The following VCAN variants were observed in gnomAD, a reference collection of about 807,000 sequenced individuals.
The protein encoded by VCAN is versican core protein.
VCAN carries 44 observed loss-of-function variants against 245.5 expected under a neutral mutation model. That is an observed-to-expected ratio of 0.18 (90% confidence interval 0.14 to 0.23). The LOEUF is 0.23. Among genes scored for constraint, VCAN ranks in the 10% least tolerant of loss-of-function variants. VCAN has a pLI of 1.00. For missense variants in VCAN, 3,793 were observed against 4,057.9 expected, an observed-to-expected ratio of 0.93 and a Z score of 1.77; for synonymous variants, 1,413 against 1,437.0, an observed-to-expected ratio of 0.98 and a Z score of 0.38.
At position 83,520,858 on chromosome 5, in the gene VCAN, C is replaced by T; in HGVS notation, c.2552C>T (p.Ala851Val). The part of the protein sequence containing the change: ...KDIPSFTEDG[A>V]DEFTLIPDST... Reference sequence around the variant, plus strand: ...ATCCCAAGTTTCACTGAAGATGGAGCAGATGAATTTACTCTTATTCCAGAT... The same window carrying T: ...ATCCCAAGTTTCACTGAAGATGGAGTAGATGAATTTACTCTTATTCCAGAT... The change falls in exon 7 of 15, where the codon GCA (alanine) becomes GTA (valine). Residue 851 changes from alanine to valine, a missense_variant. Physicochemically the swap from Ala to Val is moderately conservative, Grantham distance 64. Transcript: ENST00000265077. 1.2e-6 allele frequency: 2 copies of T among 1,614,088 alleles called. No homozygotes were observed. Among genetic ancestry groups the T allele is most frequent in the Non-Finnish European group, 1.7e-6 (2 of 1,180,012 alleles).
intron 12 of VCAN, among the ~76,000 whole-genome samples, chr5:83,556,763 TATTA>T (rs1406486790): frequency 1.4e-4 from 21 of 152,310 alleles, no homozygotes; most frequent in Admixed American, 1.0e-3. Context: ...ATTTTGATCC[TATTA>T]ATTTAATTTC....
At chr5:83,496,320 A>C (rs1191646240) in intron 5 of VCAN, among the ~76,000 whole-genome samples, 2 of 152,214 alleles carry the variant, frequency 1.3e-5, no homozygotes, top group African/African-American at 2.4e-5. Flanking sequence ...TTTGTGTCCC[A>C]ATGTAACCCA....
Position 83,580,162 on chromosome 5 carries a change from C to A in VCAN, c.10063C>A (p.Pro3355Thr). Residue 3355 changes from proline to threonine, a missense_variant and splice_region_variant, in exon 14 of 15, where the codon CCA (proline) becomes ACA (threonine). Physicochemically the swap from Pro to Thr is conservative, Grantham distance 38 (BLOSUM62 -1). Coordinates refer to ENST00000265077, the MANE Select transcript of VCAN (RefSeq NM_004385.5). ...WAIPKITCMN[P>T]SAYQRTYSMK... is the part of the protein sequence containing the mutation. ...TATACCTAAAATTACCTGCATGAAC[C>A]GTAAGTGGTCCTTTAGAAAGAATGG... 1 of 1,613,968 alleles carries A rather than the reference C, an allele frequency of 6.2e-7. No homozygotes were observed. Among genetic ancestry groups the A allele is most frequent in the Non-Finnish European group, 8.5e-7 (1 of 1,179,938 alleles).
chr5:83,565,631 T>C (rs1748052083), intron 12 of VCAN, among the ~76,000 whole-genome samples: 1 of 152,192 alleles, frequency 6.6e-6, no homozygotes, highest in Non-Finnish European at 1.5e-5. Flanking sequence ...TTTGTAGTTA[T>C]TTGACCAAGT....
rs973377892 is a variant in VCAN, at chr5:83,573,100, G to A, written c.9880+540G>A. 1.3e-4 allele frequency among the ~76,000 whole-genome samples: 20 copies of A among 151,714 alleles called. 1 individual carries two copies. Among genetic ancestry groups the A allele is most frequent in the Admixed American group, 1.1e-3 (17 of 15,208 alleles). On this transcript the variant is annotated intron_variant, in intron 13 of 14. Transcript: ENST00000265077. ...TTTTTAGTAGAGATGGGGTTTCACC[G>A]TGTTAGCCAGGATGGTCTCAATCTC... is the stretch of plus-strand genomic sequence containing the variant.
intron 13 of VCAN, among the ~76,000 whole-genome samples, chr5:83,574,701 T>G (rs1412692763): frequency 1.3e-5 from 2 of 152,156 alleles, no homozygotes; most frequent in Non-Finnish European, 2.9e-5. Flanking sequence ...TCTGTAGGCA[T>G]TTGAGCTTTT....
In VCAN at chr5:83,565,506, TTC is replaced by T. The variant is rs1281359397; in HGVS notation, c.9736-6908_9736-6907del. Among the ~76,000 whole-genome samples the T allele has an allele frequency of 4.6e-5, 7 of 152,050 alleles. No homozygotes were observed. In the East Asian group the frequency reaches 1.4e-3, roughly 29 times the overall value. On this transcript the variant is annotated intron_variant, in intron 12 of 14. Coordinates refer to ENST00000265077, the MANE Select transcript of VCAN (RefSeq NM_004385.5). The stretch of plus-strand genomic sequence containing the variant: ...GAATTTTGTCTAGTGTCTATGAAAA[TTC>T]TGTCTCTTTTTATTTATATTGTATG...
At chr5:83,511,159 C>T (rs1745641399) in intron 5 of VCAN, among the ~76,000 whole-genome samples, 1 of 148,852 alleles carries the variant, frequency 6.7e-6, no homozygotes, top group Admixed American at 6.7e-5. Context: ...TTTTTTTTTT[C>T]GAGACGGAGT....
rs777242516 is a variant in VCAN at position 83,538,575 on chromosome 5, T to C, written c.5572T>C (p.Tyr1858His). 27 of 1,613,574 alleles carry C rather than the reference T, an allele frequency of 1.7e-5. No individual in the cohort carries two copies. The highest frequency in any genetic ancestry group is 2.2e-5 in the Non-Finnish European group (26 of 1,179,900). ...TVSSFSLNVE[Y>H]AIQAEKEVAG... Reference sequence around the variant, plus strand: ...TTCTTCATTTTCATTAAACGTAGAGTATGCAATTCAAGCCGAAAAGGAAGT... The same window carrying C: ...TTCTTCATTTTCATTAAACGTAGAGCATGCAATTCAAGCCGAAAAGGAAGT... Residue 1858 changes from tyrosine (Y) to histidine (H), a missense_variant, in exon 8 of 15, where the codon TAT becomes CAT. Tyr to His is a moderately conservative substitution (Grantham distance 83). This residue lies in a region of VCAN where 3,182 missense variants were observed against 3,250.3 expected (regional missense o/e 0.98). Transcript: ENST00000265077.
At chr5:83,472,048 C>G in intron 1 of VCAN, 25 bp downstream of exon 1, 1 of 331,468 alleles carries the variant, frequency 3.0e-6, no homozygotes, top group Non-Finnish European at 5.4e-6. Flanking sequence ...TTTGTTCCCC[C>G]CTTAAAAAAC....
At position 83,573,935 on chromosome 5, in the gene VCAN, C is replaced by T. The variant is rs567832734; in HGVS notation, c.9880+1375C>T. 3.0e-4 allele frequency among the ~76,000 whole-genome samples: 45 copies of T among 152,270 alleles called. 1 individual carries two copies. Among genetic ancestry groups the T allele is most frequent in the African/African-American group, 8.4e-4 (35 of 41,552 alleles). ...TAAATGGAGATGTATAAAAGAACATCTCTTCATTTATTGAGGAAGTTTCAA... is the reference window on the plus strand; with the variant it reads ...TAAATGGAGATGTATAAAAGAACATTTCTTCATTTATTGAGGAAGTTTCAA... On this transcript the variant is annotated intron_variant, in intron 13 of 14. Coordinates refer to ENST00000265077, the MANE Select transcript of VCAN (RefSeq NM_004385.5).
At chr5:83,529,918 C>T (rs1305974409) in intron 7 of VCAN, among the ~76,000 whole-genome samples, 2 of 152,054 alleles carry the variant, frequency 1.3e-5, no homozygotes, top group African/African-American at 4.8e-5. Context: ...AAAATATAGA[C>T]TGTTTTGTTC....
chr5:83,490,344 A>G lies in VCAN; in HGVS notation c.317A>G (p.His106Arg). 1 of 1,614,212 alleles carries G rather than the reference A, an allele frequency of 6.2e-7. No individual in the cohort carries two copies. Among genetic ancestry groups the G allele is most frequent in the South Asian group, 1.1e-5 (1 of 91,084 alleles). The change falls in exon 3 of 15, where the codon CAT becomes CGT. Residue 106 changes from histidine to arginine, a missense_variant. Coordinates refer to ENST00000265077, the MANE Select transcript of VCAN (RefSeq NM_004385.5). The stretch of plus-strand genomic sequence containing the variant: ...AAAGGGAGAGTGTCTGTGCCCACAC[A>G]TCCCGAGGCTGTGGGCGATGCCTCC... ...DYKGRVSVPT[H>R]PEAVGDASLT...
chr5:83,529,201 T>C (rs1746424249), intron 7 of VCAN, among the ~76,000 whole-genome samples: 2 of 151,990 alleles, frequency 1.3e-5, no homozygotes, highest in African/African-American at 4.8e-5. Context: ...GTAGGATACA[T>C]GGAAGAGGCA....
intron 3 of VCAN, 62 bp from the exon 4 acceptor site, chr5:83,493,484 A>G: frequency 6.2e-7 from 1 of 1,609,198 alleles, no homozygotes; most frequent in African/African-American, 1.3e-5. Context: ...CCAATGAGAA[A>G]TTTTGCACAG....
Position 83,520,620 on chromosome 5 carries a change from G to T in VCAN, c.2314G>T (p.Ala772Ser), listed in dbSNP as rs745670414. The T allele has an allele frequency of 6.2e-7, 1 of 1,613,836 alleles. No individual in the cohort carries two copies. The highest frequency in any genetic ancestry group is 1.3e-5 in the African/African-American group (1 of 74,934). Residue 772 changes from alanine to serine, a missense_variant, in exon 7 of 15, where the codon GCA becomes TCA. By Grantham distance (99) the Ala-to-Ser change is moderately conservative (BLOSUM62 1). Coordinates refer to ENST00000265077, the MANE Select transcript of VCAN (RefSeq NM_004385.5). ...EVRDMEEDFTATPGTTKYDEN... is the reference protein window; with the variant it reads ...EVRDMEEDFTSTPGTTKYDEN... Reference sequence around the variant, plus strand: ...AAGAGATATGGAGGAAGACTTTACAGCAACTCCAGGTACTACAAAATATGA... The same window carrying T: ...AAGAGATATGGAGGAAGACTTTACATCAACTCCAGGTACTACAAAATATGA...
intron 12 of VCAN, among the ~76,000 whole-genome samples, chr5:83,558,196 C>T (rs1747743200): frequency 6.6e-6 from 1 of 152,146 alleles, no homozygotes; most frequent in Admixed American, 6.6e-5. Context: ...CAGTCACCAT[C>T]CCCTTAACGG....
chr5:83,493,091 T>A (rs1193597667), intron 3 of VCAN, among the ~76,000 whole-genome samples: 1 of 152,238 alleles, frequency 6.6e-6, no homozygotes, highest in Non-Finnish European at 1.5e-5. Flanking sequence ...TGTTAGTGAA[T>A]ATTTTTATGA....
intron 6 of VCAN, among the ~76,000 whole-genome samples, chr5:83,517,013 T>C (rs1277559765): frequency 6.6e-6 from 1 of 152,180 alleles, no homozygotes. Context: ...TTTTCTTTTT[T>C]AAAATAGGGC....
Sources: gnomAD v4.1 joint callset for allele counts (sites outside exome capture counted in the v4.1 genomes callset) on GRCh38, gnomAD v4.1.1 for gene constraint, gnomAD v4.1.1 regional missense constraint, MANE v1.5 for transcripts, NCBI Gene and HGNC (gene_info 2026-07-23, HGNC 2026-07-21) for gene names.